Variants in MED12L observed in about 807,000 individuals in gnomAD.
The protein encoded by MED12L is mediator complex subunit 12L.
MED12L carries 60 observed loss-of-function variants against 281.3 expected under a neutral mutation model. The observed-to-expected ratio is 0.21, with a 90% CI of 0.17 to 0.26. MED12L has a LOEUF of 0.26. MED12L is among the 10% of genes least tolerant of loss of function. The probability of loss-of-function intolerance (pLI) is 1.00; values close to 1 mark genes in which losing one functional copy is unlikely to be tolerated. For synonymous variants in MED12L, 974 were observed against 987.2 expected (o/e 0.99, Z 0.25); for missense variants, 2,146 against 2,680.9 (o/e 0.80, Z 4.41).
chr3:151,270,529 C>T (rs1740748228), intron 16 of MED12L, among the ~76,000 whole-genome samples: 1 of 152,050 alleles, frequency 6.6e-6, no homozygotes, highest in African/African-American at 2.4e-5. Context: ...CGCTTTTCTT[C>T]CTTTCTCTGT....
At chr3:151,243,362 G>T (rs1454849733) in intron 16 of MED12L, among the ~76,000 whole-genome samples, 2 of 151,022 alleles carry the variant, frequency 1.3e-5, no homozygotes, top group African/African-American at 4.9e-5. Context: ...AGGGCAGCCA[G>T]AGAGAAAGGT....
chr3:151,312,232 A>G (rs766766263), intron 16 of MED12L, among the ~76,000 whole-genome samples: 1 of 152,186 alleles, frequency 6.6e-6, no homozygotes, highest in Non-Finnish European at 1.5e-5. Context: ...GAGTATAGCA[A>G]ATCCTCAAAT....
chr3:151,300,633 T>C (rs1367480122), intron 16 of MED12L, among the ~76,000 whole-genome samples: 2 of 151,988 alleles, frequency 1.3e-5, no homozygotes, highest in East Asian at 3.9e-4. Flanking sequence ...TATAGGACAG[T>C]TTACCATTAG....
intron 16 of MED12L, among the ~76,000 whole-genome samples, chr3:151,250,966 A>G (rs1416994194): frequency 6.6e-6 from 1 of 152,074 alleles, no homozygotes. Context: ...CTTTCTTTCT[A>G]GTAGTAGCCA....
chr3:151,134,192 T>TGG (rs1715800610), intron 5 of MED12L, among the ~76,000 whole-genome samples: 1 of 151,352 alleles, frequency 6.6e-6, no homozygotes, highest in African/African-American at 2.4e-5. Flanking sequence ...GGGGTTGTTT[T>TGG]TTTTTTTTTT....
chr3:151,193,359 A>AT, intron 15 of MED12L, 131 bp from the exon 16 acceptor site: 1 of 629,934 alleles, frequency 1.6e-6, no homozygotes, highest in Non-Finnish European at 2.7e-6. Flanking sequence ...ATTTCTTCAT[A>AT]TTTTTTTGCT....
intron 5 of MED12L, among the ~76,000 whole-genome samples, chr3:151,140,791 T>C (rs1446511759): frequency 2.0e-5 from 3 of 152,178 alleles, no homozygotes; most frequent in Admixed American, 6.5e-5. Context: ...GTCATTCTCC[T>C]GCCTCAGCCT....
At chr3:151,271,968 CT>C (rs1741034995) in intron 16 of MED12L, among the ~76,000 whole-genome samples, 1 of 152,142 alleles carries the variant, frequency 6.6e-6, no homozygotes, top group African/African-American at 2.4e-5. Context: ...CACTTAAAAT[CT>C]AATTTTCATT....
Position 151,261,685 on chromosome 3 carries a change from G to GTGTTTTGTTTTGTTTTGTTT in MED12L, c.2250+68041_2250+68060dup, listed in dbSNP as rs10627724. Among the ~76,000 whole-genome samples, 856 of 148,750 alleles carry GTGTTTTGTTTTGTTTTGTTT rather than the reference G, an allele frequency of 5.8e-3. 13 individuals carry two copies. Among genetic ancestry groups the GTGTTTTGTTTTGTTTTGTTT allele is most frequent in the African/African-American group, 0.02 (799 of 40,014 alleles). On this transcript the variant is annotated intron_variant, in intron 16 of 44. Coordinates refer to ENST00000687756, the MANE Select transcript of MED12L (RefSeq NM_001393769.1). The stretch of plus-strand genomic sequence containing the variant: ...CTGGGGAGGGGTCCAGTGGTACGTG[G>GTGTTTTGTTTTGTTTTGTTT]TGTTTTGTTTTGTTTTGTTTTGTTT...
At chr3:151,136,097 C>CTT (rs1388757698) in intron 5 of MED12L, among the ~76,000 whole-genome samples, 1 of 152,154 alleles carries the variant, frequency 6.6e-6, no homozygotes, top group Non-Finnish European at 1.5e-5. Flanking sequence ...AGATGAGAGA[C>CTT]TTTTCTTGGT....
chr3:151,249,601 A>G (rs1348358452), intron 16 of MED12L, among the ~76,000 whole-genome samples: 1 of 152,120 alleles, frequency 6.6e-6, no homozygotes, highest in Non-Finnish European at 1.5e-5. Context: ...CTAGGGATGG[A>G]CTTGATGCAT....
intron 5 of MED12L, among the ~76,000 whole-genome samples, chr3:151,150,779 T>G (rs1177490308): frequency 6.6e-6 from 1 of 152,222 alleles, no homozygotes; most frequent in Non-Finnish European, 1.5e-5. Flanking sequence ...ACCTTATACT[T>G]CCATGTTGTG....
chr3:151,236,403 C>G (rs1732812756), intron 16 of MED12L, among the ~76,000 whole-genome samples: 1 of 152,174 alleles, frequency 6.6e-6, no homozygotes, highest in African/African-American at 2.4e-5. Flanking sequence ...ATTCAGGAAG[C>G]ATTCTTGTTA....
intron 16 of MED12L, among the ~76,000 whole-genome samples, chr3:151,282,640 T>G (rs1171743031): frequency 6.6e-6 from 1 of 152,190 alleles, no homozygotes; most frequent in Non-Finnish European, 1.5e-5. Context: ...GCTCTTTTAC[T>G]TGTAGAATGG....
At chr3:151,232,851 C>CA (rs1299636019) in intron 16 of MED12L, among the ~76,000 whole-genome samples, 2 of 152,036 alleles carry the variant, frequency 1.3e-5, no homozygotes, top group Non-Finnish European at 2.9e-5. Flanking sequence ...TAGTACCTGA[C>CA]AAAAAAATCT....
In MED12L at chr3:151,340,225, T is replaced by C. The variant is rs187981382; in HGVS notation, c.2251-9834T>C. ...TGGTCTTAGTTCATCCCTGACCGTT[T>C]TGGAAATTCGACTTAGTGAATATAC... On this transcript the variant is annotated intron_variant, in intron 16 of 44. Transcript: ENST00000687756. Among the ~76,000 whole-genome samples the C allele has an allele frequency of 3.3e-3, 500 of 152,318 alleles. 1 individual carries two copies. The highest frequency in any genetic ancestry group is 5.2e-3 in the Non-Finnish European group (357 of 68,004).
chr3:151,112,287 T>TC (rs1712027245), intron 2 of MED12L, among the ~76,000 whole-genome samples: 1 of 151,378 alleles, frequency 6.6e-6, no homozygotes, highest in Non-Finnish European at 1.5e-5. Context: ...TTTTTCTTTT[T>TC]TTTTTTTTTT....
chr3:151,126,048 CTT>C (rs34482366), intron 4 of MED12L, among the ~76,000 whole-genome samples: 89 of 130,726 alleles, frequency 6.8e-4, no homozygotes, highest in East Asian at 1.6e-3. Flanking sequence ...ACTGCATCCT[CTT>C]TTTTTTTTTT....
At chr3:151,264,660 C>T (rs542150975) in intron 16 of MED12L, among the ~76,000 whole-genome samples, 326 of 152,316 alleles carry the variant, frequency 2.1e-3, no homozygotes, top group Non-Finnish European at 4.0e-3. Flanking sequence ...GAGCAGGAGC[C>T]TCCTGTGACC....
Sources: gnomAD v4.1 joint callset for allele counts (sites outside exome capture counted in the v4.1 genomes callset) on GRCh38, gnomAD v4.1.1 for gene constraint, MANE v1.5 for transcripts, NCBI Gene and HGNC (gene_info 2026-07-23, HGNC 2026-07-21) for gene names.